The following HMOX2 variants were observed in gnomAD, a reference collection of about 807,000 sequenced individuals.
The protein encoded by HMOX2 is heme oxygenase 2, also known as heme oxygenase (decycling) 2.
A neutral mutation model predicts 33.7 loss-of-function variants in HMOX2; 30 were observed. The observed-to-expected ratio is 0.89, with a 90% confidence interval of 0.67 to 1.21. The LOEUF (loss-of-function observed/expected upper bound fraction) is 1.21, where lower values mean the gene tolerates loss of function less well. HMOX2 is among the 50% of genes most tolerant of loss of function. The pLI is 0.00. For synonymous variants in HMOX2, 155 were observed against 155.0 expected (o/e 1.00, Z 0.00); for missense variants, 403 against 399.1 (o/e 1.01, Z -0.08).
rs1157032966 is a variant in HMOX2 at position 4,487,970 on chromosome 16, A to T, written c.-42+11483A>T. On this transcript the variant is annotated intron_variant, in intron 1 of 5. Transcript: ENST00000570646. ...CTGTCTCAAAAAAAAAAAAAAAAAA[A>T]AATGTAGCCGGGTGTGGTTTTGCAT... 3.4e-5 allele frequency among the ~76,000 whole-genome samples: 5 copies of T among 145,530 alleles called. No individual in the cohort carries two copies. The Admixed American group carries it at 3.5e-4, about 10-fold the overall frequency.
At position 4,476,456 on chromosome 16, in the gene HMOX2, G is replaced by A. The variant is rs1259218204; in HGVS notation, c.-73G>A. 6.6e-6 allele frequency: 1 copy of A among 152,270 alleles called. No homozygotes were observed. Among genetic ancestry groups the A allele is most frequent in the Non-Finnish European group, 1.5e-5 (1 of 68,056 alleles). 9.4% of individuals were successfully genotyped at this position (152,270 alleles called of 1,614,324 possible). ...TCGCTGACGGGCACGCTGACTGGAGGCTGGCGGACAGGCGACAGCGACCTG... is the reference window on the plus strand; with the variant it reads ...TCGCTGACGGGCACGCTGACTGGAGACTGGCGGACAGGCGACAGCGACCTG... On this transcript the variant is annotated 5_prime_UTR_variant, in exon 1 of 6. Transcript: ENST00000570646.
chr16:4,482,683 T>C (rs2058060468), intron 1 of HMOX2, among the ~76,000 whole-genome samples: 1 of 152,114 alleles, frequency 6.6e-6, no homozygotes, highest in African/African-American at 2.4e-5. Context: ...GTCACAGAAC[T>C]CAGGAAAACA....
intron 1 of HMOX2, among the ~76,000 whole-genome samples, chr16:4,481,302 TCGCGCCACTG>T (rs2058023745): frequency 7.0e-6 from 1 of 142,788 alleles, no homozygotes; most frequent in African/African-American, 2.6e-5. Context: ...TAAGCAGAGA[TCGCGCCACTG>T]CGCTCCAGCC....
intron 1 of HMOX2, among the ~76,000 whole-genome samples, chr16:4,489,696 C>T (rs1395959980): frequency 1.3e-5 from 2 of 152,094 alleles, no homozygotes; most frequent in Admixed American, 1.3e-4. Context: ...TGTACTCAAG[C>T]TATCCACCTG....
chr16:4,498,574 T>A (rs1366261465), intron 1 of HMOX2, among the ~76,000 whole-genome samples: 2 of 151,960 alleles, frequency 1.3e-5, no homozygotes, highest in African/African-American at 4.8e-5. Flanking sequence ...AAGGTCTGAC[T>A]GTGTTGCCCA....
Position 4,506,934 on chromosome 16 carries a change from G to C in HMOX2, c.126G>C (p.Lys42Asn). The change falls in exon 3 of 6, where the codon AAG becomes AAC. Residue 42 changes from lysine to asparagine, a missense_variant. Coordinates refer to ENST00000570646, the MANE Select transcript of HMOX2 (RefSeq NM_002134.4). Reference protein sequence around the residue: ...DLSELLKEGTKEAHDRAENTQ... With the variant: ...DLSELLKEGTNEAHDRAENTQ... ...CGGAGCTCCTGAAGGAAGGGACCAAGGAAGCACACGACCGGGCAGAAAACA... is the reference window on the plus strand; with the variant it reads ...CGGAGCTCCTGAAGGAAGGGACCAACGAAGCACACGACCGGGCAGAAAACA... 1 of 1,614,106 alleles carries C rather than the reference G, an allele frequency of 6.2e-7. No homozygotes were observed. The highest frequency in any genetic ancestry group is 1.3e-5 in the African/African-American group (1 of 75,030).
At chr16:4,486,565 A>T (rs1267934765) in intron 1 of HMOX2, among the ~76,000 whole-genome samples, 1 of 152,228 alleles carries the variant, frequency 6.6e-6, no homozygotes, top group Non-Finnish European at 1.5e-5. Context: ...GAACTTTTCA[A>T]GGAACTAGTG....
chr16:4,509,539 G>C lies in HMOX2; in HGVS notation c.823+1G>C. The C allele has an allele frequency of 6.2e-7, 1 of 1,614,166 alleles. No individual in the cohort carries two copies. The highest frequency in any genetic ancestry group is 8.5e-7 in the Non-Finnish European group (1 of 1,180,024). On this transcript the variant is annotated splice_donor_variant, in intron 5 of 5. Coordinates refer to ENST00000570646, the MANE Select transcript of HMOX2 (RefSeq NM_002134.4). LOFTEE classifies it high-confidence loss of function. ...TTCTACGCTGCTGAACAAGACAAAG[G>C]TAGGTCTGTGTGTCCTGAGCTCCCC... is the stretch of plus-strand genomic sequence containing the variant.
intron 1 of HMOX2, among the ~76,000 whole-genome samples, chr16:4,493,448 C>A (rs879742428): frequency 3.3e-5 from 5 of 152,176 alleles, no homozygotes; most frequent in Admixed American, 6.5e-5. Flanking sequence ...TCATTTAATT[C>A]TCATACCCAC....
chr16:4,486,468 C>A lies in HMOX2; in HGVS notation c.-42+9981C>A, dbSNP rs113517426. Among the ~76,000 whole-genome samples the A allele has an allele frequency of 3.9e-3, 590 of 152,302 alleles. 7 individuals are homozygous for A. The highest frequency in any genetic ancestry group is 0.012 in the African/African-American group (507 of 41,570). ...GGACAGCTGATTAGAGTATGTCTGT[C>A]CCTAATACAGGGTTAGAGCTCAGTA... On this transcript the variant is annotated intron_variant, in intron 1 of 5. Coordinates refer to ENST00000570646, the MANE Select transcript of HMOX2 (RefSeq NM_002134.4).
In HMOX2 at chr16:4,507,027, T is replaced by C. The variant is rs780898232; in HGVS notation, c.204+15T>C. On this transcript the variant is annotated intron_variant, in intron 3 of 5. Coordinates refer to ENST00000570646, the MANE Select transcript of HMOX2 (RefSeq NM_002134.4). ...AGCTGTTTAAGGTTTGTGCCCCGCA[T>C]TGGGTTCCAGACTGTCATATGGGGT... 16 of 1,539,014 alleles carry C rather than the reference T, an allele frequency of 1.0e-5. No homozygotes were observed. Among genetic ancestry groups the C allele is most frequent in the Non-Finnish European group, 1.4e-5 (16 of 1,111,634 alleles).
intron 1 of HMOX2, among the ~76,000 whole-genome samples, chr16:4,491,556 GT>G (rs1329306705): frequency 6.6e-6 from 1 of 152,048 alleles, no homozygotes; most frequent in Non-Finnish European, 1.5e-5. Flanking sequence ...GGGGGCTGAG[GT>G]GGGAGGATCA....
intron 1 of HMOX2, among the ~76,000 whole-genome samples, chr16:4,488,054 C>G (rs745917213): frequency 1.2e-4 from 17 of 146,154 alleles, no homozygotes; most frequent in Non-Finnish European, 2.2e-4. Flanking sequence ...ACCCGGGAGG[C>G]AGAGGTTGCA....
chr16:4,477,180 C>A (rs1365006394), intron 1 of HMOX2, among the ~76,000 whole-genome samples: 1 of 152,024 alleles, frequency 6.6e-6, no homozygotes, highest in Non-Finnish European at 1.5e-5. Context: ...AGTCTTTGCA[C>A]GAGGCCTGCC....
chr16:4,485,492 G>A (rs2141534183), intron 1 of HMOX2, among the ~76,000 whole-genome samples: 1 of 152,260 alleles, frequency 6.6e-6, no homozygotes, highest in South Asian at 2.1e-4. Context: ...GTTTATGAGA[G>A]TTTTGAGAGG....
intron 1 of HMOX2, among the ~76,000 whole-genome samples, chr16:4,478,170 TC>T (rs2057920703): frequency 6.6e-6 from 1 of 152,164 alleles, no homozygotes; most frequent in South Asian, 2.1e-4. Context: ...TTTCCTTTTT[TC>T]CTTGGCTGTG....
intron 1 of HMOX2, chr16:4,495,875 G>C (rs1200878065): frequency 6.6e-6 from 1 of 152,236 alleles, no homozygotes; most frequent in East Asian, 1.9e-4. Flanking sequence ...ACTAAGGTCT[G>C]GCAGGTCTGA....
At chr16:4,484,510 G>A (rs952813242) in intron 1 of HMOX2, among the ~76,000 whole-genome samples, 1 of 148,412 alleles carries the variant, frequency 6.7e-6, no homozygotes, top group Non-Finnish European at 1.5e-5. Context: ...ACCCAGGCTG[G>A]AGTGCAGTGG....
chr16:4,492,852 C>T (rs1415512701), intron 1 of HMOX2, among the ~76,000 whole-genome samples: 1 of 152,110 alleles, frequency 6.6e-6, no homozygotes, highest in African/African-American at 2.4e-5. Context: ...GCCTGGGCAA[C>T]ATGGGAATAC....
Sources: gnomAD v4.1 joint callset for allele counts (sites outside exome capture counted in the v4.1 genomes callset) on GRCh38, gnomAD v4.1.1 for gene constraint, MANE v1.5 for transcripts, NCBI Gene and HGNC (gene_info 2026-07-23, HGNC 2026-07-21) for gene names.